USP45: variants seen among roughly 807,000 people sequenced by gnomAD.
USP45 encodes ubiquitin specific peptidase 45.
Under a neutral mutation model 95.8 loss-of-function variants are expected in USP45, and 89 were observed. That is an observed-to-expected ratio of 0.93 (90% confidence interval 0.78 to 1.11). The LOEUF (loss-of-function observed/expected upper bound fraction) is 1.11, where lower values mean the gene tolerates loss of function less well. Ranked by LOEUF, USP45 falls within the 50% of genes least tolerant of loss-of-function variation. The pLI, the probability that USP45 is intolerant of heterozygous loss-of-function variation, is 0.00. For synonymous variants in USP45, 281 were observed against 316.2 expected (o/e 0.89, Z 1.18); for missense variants, 898 against 942.5 (o/e 0.95, Z 0.62).
intron 13 of USP45, among the ~76,000 whole-genome samples, chr6:99,453,982 T>A (rs1429667383): frequency 2.0e-5 from 3 of 151,802 alleles, no homozygotes; most frequent in African/African-American, 7.3e-5. Context: ...AAGAAAAAAA[T>A]TTGTATAGAA....
chr6:99,440,736 C>T (rs1045889698), intron 15 of USP45, among the ~76,000 whole-genome samples: 1 of 151,662 alleles, frequency 6.6e-6, no homozygotes, highest in Non-Finnish European at 1.5e-5. Flanking sequence ...TTTGTTTTTT[C>T]AAGTGATCTT....
intron 15 of USP45, among the ~76,000 whole-genome samples, chr6:99,443,275 C>T (rs1444623103): frequency 6.6e-6 from 1 of 152,066 alleles, no homozygotes; most frequent in Non-Finnish European, 1.5e-5. Context: ...TCCCAAAGGC[C>T]GAGGGAGCCA....
chr6:99,466,522 T>C, intron 11 of USP45, 150 bp downstream of exon 11: 1 of 635,982 alleles, frequency 1.6e-6, no homozygotes, highest in South Asian at 1.9e-5. Context: ...TTTCTAGGAG[T>C]GTAGCGTATA....
At chr6:99,464,059 C>T (rs374378804) in intron 13 of USP45, among the ~76,000 whole-genome samples, 10 of 151,922 alleles carry the variant, frequency 6.6e-5, no homozygotes, top group African/African-American at 2.4e-4. Flanking sequence ...GTAATCCCAG[C>T]GCTTTGGGAG....
intron 4 of USP45, among the ~76,000 whole-genome samples, chr6:99,505,925 T>C (rs1583458022): frequency 1.3e-5 from 2 of 152,304 alleles, no homozygotes; most frequent in East Asian, 1.9e-4. Flanking sequence ...GAAATCCTTA[T>C]TGAACTGCCA....
intron 1 of USP45, among the ~76,000 whole-genome samples, chr6:99,510,907 T>G (rs1241759675): frequency 6.6e-6 from 1 of 152,138 alleles, no homozygotes; most frequent in East Asian, 1.9e-4. Context: ...TCCTCCCTTC[T>G]GCTAGCAAGG....
At chr6:99,504,376 G>A (rs1323144916) in intron 4 of USP45, among the ~76,000 whole-genome samples, 2 of 152,116 alleles carry the variant, frequency 1.3e-5, no homozygotes, top group Non-Finnish European at 2.9e-5. Context: ...CTGACCTCAA[G>A]TGATCCACCC....
At chr6:99,507,313 A>G in intron 4 of USP45, 115 bp downstream of exon 4, 1 of 542,842 alleles carries the variant, frequency 1.8e-6, no homozygotes, top group Non-Finnish European at 3.2e-6. Flanking sequence ...TGTTCAGGTT[A>G]AAAAACCATA....
intron 1 of USP45, among the ~76,000 whole-genome samples, chr6:99,514,407 C>G (rs1444847815): frequency 6.6e-6 from 1 of 152,174 alleles, no homozygotes; most frequent in African/African-American, 2.4e-5. Context: ...ACCCAAAAAT[C>G]TAAGTTCCCA....
At chr6:99,517,367 T>A (rs1198343916), upstream of USP45, among the ~76,000 whole-genome samples, 1 of 152,196 alleles carries the variant, frequency 6.6e-6, no homozygotes, top group East Asian at 1.9e-4. Context: ...TTTGGAAATA[T>A]GGGGAATCTT....
intron 5 of USP45, among the ~76,000 whole-genome samples, chr6:99,497,830 T>TTC (rs1029545372): frequency 1.9e-4 from 29 of 152,188 alleles, no homozygotes; most frequent in African/African-American, 6.8e-4. Context: ...AACTCAACTT[T>TTC]TCAGCTGTCT....
chr6:99,478,252 G>C (rs1199334044), intron 8 of USP45, among the ~76,000 whole-genome samples: 1 of 122,850 alleles, frequency 8.1e-6, no homozygotes, highest in Non-Finnish European at 1.7e-5. Context: ...TTTAACCTAG[G>C]AATGGGCAAA....
intron 4 of USP45, among the ~76,000 whole-genome samples, chr6:99,504,607 TAA>T (rs2128791860): frequency 6.6e-6 from 1 of 152,060 alleles, no homozygotes; most frequent in African/African-American, 2.4e-5. Flanking sequence ...AAATTAGATA[TAA>T]AAGAGGAGGG....
chr6:99,462,418 TTAAAC>T, intron 13 of USP45: 2 of 984,184 alleles, frequency 2.0e-6, no homozygotes, highest in Non-Finnish European at 2.4e-6. Context: ...TCCTAACTCT[TTAAAC>T]TAAATAAAAA....
At chr6:99,438,818 C>T (rs1218848176) in intron 16 of USP45, among the ~76,000 whole-genome samples, 4 of 152,124 alleles carry the variant, frequency 2.6e-5, no homozygotes, top group African/African-American at 9.7e-5. Context: ...TAGGGCAGGA[C>T]TGGCCATGGA....
At chr6:99,463,791 A>C (rs1787146286) in intron 13 of USP45, among the ~76,000 whole-genome samples, 2 of 108,786 alleles carry the variant, frequency 1.8e-5, no homozygotes, top group Non-Finnish European at 3.8e-5. Context: ...ACAGAGCGAG[A>C]CTCCATCTCA....
chr6:99,437,633 C>A (rs1444977366), intron 16 of USP45, among the ~76,000 whole-genome samples: 4 of 152,134 alleles, frequency 2.6e-5, no homozygotes, highest in African/African-American at 9.7e-5. Context: ...AGGGTACAAT[C>A]CCTATGCAGG....
In USP45 at chr6:99,437,355, T is replaced by G. The variant is rs1780696023; in HGVS notation, c.2205A>C (p.Ile735=). ...CTCTCATCGAGCCACTATGTTCCAC[T>G]ATGCCATAGAGACCGTAGAGAACTT... ...GDKVLYGLYG[I]VEHSGSMREG... The change falls in exon 17 of 18, where the codon ATA becomes ATC. Residue 735 remains isoleucine, a synonymous_variant. Coordinates refer to ENST00000500704, the MANE Select transcript of USP45 (RefSeq NM_001346022.3). The G allele has an allele frequency of 1.9e-6, 3 of 1,612,934 alleles. No homozygotes were observed. The highest frequency in any genetic ancestry group is 2.5e-6 in the Non-Finnish European group (3 of 1,179,732).
intron 13 of USP45, chr6:99,460,730 T>C (rs988187177): frequency 1.0e-6 from 1 of 957,090 alleles, no homozygotes; most frequent in South Asian, 4.8e-5. Context: ...CTTAATTTCT[T>C]CCATGTAAAT....
Sources: allele counts gnomAD v4.1 joint callset (sites outside exome capture counted in the v4.1 genomes callset), GRCh38; gene constraint gnomAD v4.1.1; transcripts MANE v1.5; gene names NCBI Gene and HGNC (gene_info 2026-07-23, HGNC 2026-07-21).